The following TFB2M variants were observed in gnomAD, a reference collection of about 807,000 sequenced individuals.
The protein encoded by TFB2M is dimethyladenosine transferase 2, mitochondrial.
In TFB2M, 44 loss-of-function variants were observed where a neutral mutation model predicts 41.3. That is an observed-to-expected ratio of 1.07 (90% CI 0.84 to 1.37). The LOEUF (loss-of-function observed/expected upper bound fraction) is 1.37. Among genes scored for constraint, TFB2M ranks in the 40% most tolerant of loss-of-function variants. The probability of loss-of-function intolerance (pLI) is 0.00; values close to 1 mark genes in which losing one functional copy is unlikely to be tolerated. For missense variants in TFB2M, 496 were observed against 490.2 expected (o/e 1.01, Z -0.11); for synonymous variants, 188 against 176.8 (o/e 1.06, Z -0.50).
In TFB2M at chr1:246,566,181, C is replaced by T; in HGVS notation, c.-43G>A. 6.4e-7 allele frequency: 1 copy of T among 1,571,502 alleles called. No homozygotes were observed. The highest frequency in any genetic ancestry group is 8.7e-7 in the Non-Finnish European group (1 of 1,153,258). ...CCGCTCCAAGAATCACCTAGTGCAG[C>T]TACTACAGTGAACCCCACGCAGGGT... is the stretch of plus-strand genomic sequence containing the variant. On this transcript the variant is annotated 5_prime_UTR_variant, in exon 1 of 8. Coordinates refer to ENST00000366514, the MANE Select transcript of TFB2M (RefSeq NM_022366.3).
intron 2 of TFB2M, among the ~76,000 whole-genome samples, chr1:246,559,154 C>G (rs537756059): frequency 3.5e-4 from 52 of 147,902 alleles, no homozygotes; most frequent in African/African-American, 1.1e-3. Context: ...CTCACTATGT[C>G]CCCAGGCTGG....
At chr1:246,554,371 G>A (rs35452631) in intron 4 of TFB2M, among the ~76,000 whole-genome samples, 24,458 of 152,124 alleles carry the variant, frequency 0.16, 2,743 homozygotes, top group East Asian at 0.44. Flanking sequence ...AGCGGCAGGT[G>A]AACAGGCGAG....
Position 246,565,949 on chromosome 1 carries a change from C to G in TFB2M, c.190G>C (p.Ala64Pro). The G allele has an allele frequency of 6.2e-7, 1 of 1,614,216 alleles. No individual in the cohort carries two copies. Among genetic ancestry groups the G allele is most frequent in the Non-Finnish European group, 8.5e-7 (1 of 1,180,038 alleles). ...TTAAAGTCTAAGCTGGCCTTAGACG[C>G]CTTCCTTGGCGGATTCCTGAAATCC... ...EPDFRNPPRK[A>P]SKASLDFKRY... The change falls in exon 1 of 8, where the codon GCG becomes CCG. Residue 64 changes from alanine (A) to proline (P), a missense_variant. Transcript: ENST00000366514.
intron 1 of TFB2M, among the ~76,000 whole-genome samples, chr1:246,564,946 C>T (rs1422068801): frequency 6.6e-6 from 1 of 152,240 alleles, no homozygotes; most frequent in Non-Finnish European, 1.5e-5. Context: ...TCTGAAAGTG[C>T]TGGATTACAG....
At chr1:246,565,261 G>A (rs1047189760) in intron 1 of TFB2M, among the ~76,000 whole-genome samples, 2 of 152,232 alleles carry the variant, frequency 1.3e-5, no homozygotes, top group East Asian at 3.9e-4. Flanking sequence ...AGCTGGCAGA[G>A]GCTTGCAACT....
intron 7 of TFB2M, among the ~76,000 whole-genome samples, chr1:246,543,213 CTCAT>C (rs58742048): frequency 0.24 from 36,471 of 151,732 alleles, 4,786 homozygotes; most frequent in Middle Eastern, 0.43. Context: ...TAGTCAACAG[CTCAT>C]TCAGAGTTAA....
At chr1:246,557,102 C>T (rs564536589) in intron 3 of TFB2M, among the ~76,000 whole-genome samples, 8 of 152,062 alleles carry the variant, frequency 5.3e-5, no homozygotes, top group Admixed American at 3.9e-4. Flanking sequence ...GGTGAAACCC[C>T]GTCTCTACCA....
At chr1:246,546,966 T>TACACACACACACAC (rs1372687255) in intron 6 of TFB2M, among the ~76,000 whole-genome samples, 13 of 132,242 alleles carry the variant, frequency 9.8e-5, no homozygotes, top group Admixed American at 2.4e-4. Flanking sequence ...TATGTATATA[T>TACACACACACACAC]ACACACACAC....
intron 7 of TFB2M, among the ~76,000 whole-genome samples, chr1:246,544,265 C>A (rs1658938584): frequency 6.6e-6 from 1 of 152,004 alleles, no homozygotes; most frequent in African/African-American, 2.4e-5. Context: ...TAAAGCTAAG[C>A]CCATACTCTC....
chr1:246,563,604 TA>T (rs755009707), intron 2 of TFB2M, among the ~76,000 whole-genome samples: 614 of 137,910 alleles, frequency 4.5e-3, no homozygotes, highest in African/African-American at 8.3e-3. Flanking sequence ...AACTCCATCT[TA>T]AAAAAAAAAA....
At position 246,565,043 on chromosome 1, in the gene TFB2M, G is replaced by A. The variant is rs545351348; in HGVS notation, c.314-609C>T. ...AGAAGAAAAAAGTCACAGCAAAATA[G>A]ATTGCCTCTAGCCTATCACTTCCTC... On this transcript the variant is annotated intron_variant, in intron 1 of 7. Coordinates refer to ENST00000366514, the MANE Select transcript of TFB2M (RefSeq NM_022366.3). 1.4e-4 allele frequency among the ~76,000 whole-genome samples: 22 copies of A among 152,276 alleles called. 1 individual carries two copies. In the South Asian group the frequency reaches 4.1e-3, roughly 29 times the overall value.
At chr1:246,542,222 C>T (rs758910322) in intron 7 of TFB2M, among the ~76,000 whole-genome samples, 27 of 150,860 alleles carry the variant, frequency 1.8e-4, no homozygotes, top group Non-Finnish European at 3.2e-4. Flanking sequence ...ATAACGAACA[C>T]GCCTCATTAT....
chr1:246,563,791 C>G (rs1016512334), intron 2 of TFB2M, among the ~76,000 whole-genome samples: 1 of 152,002 alleles, frequency 6.6e-6, no homozygotes, highest in Non-Finnish European at 1.5e-5. Flanking sequence ...GTATATGGAA[C>G]AAAAAAGGAA....
rs1659178703 is a variant in TFB2M, at chr1:246,551,423, T to C, written c.706-121A>G. The C allele has an allele frequency of 1.9e-5, 14 of 736,312 alleles. 2 individuals are homozygous for C. In the South Asian group the frequency reaches 2.5e-4, roughly 13 times the overall value. 45.6% of individuals were successfully genotyped at this position (736,312 alleles called of 1,614,324 possible). A position where few individuals can be genotyped will look rare whatever the true frequency, so the allele number is the denominator to read the frequency against. ...GACATTTAAGAAAAGAAAACTAGAATTAGATGCAAAAAGCCGGGTGCAGCG... is the reference window on the plus strand; with the variant it reads ...GACATTTAAGAAAAGAAAACTAGAACTAGATGCAAAAAGCCGGGTGCAGCG... On this transcript the variant is annotated intron_variant, in intron 4 of 7. Transcript: ENST00000366514.
chr1:246,553,138 C>T (rs1311664053), intron 4 of TFB2M, among the ~76,000 whole-genome samples: 1 of 152,270 alleles, frequency 6.6e-6, no homozygotes, highest in East Asian at 1.9e-4. Context: ...AGGAGAATCA[C>T]TTAAACTGGG....
In TFB2M at chr1:246,551,273, G is replaced by A. The variant is rs1408743262; in HGVS notation, c.735C>T (p.Asp245=). 2.5e-6 allele frequency: 4 copies of A among 1,613,690 alleles called. 1 individual carries two copies. The South Asian group carries it at 3.3e-5, about 13-fold the overall frequency. The change falls in exon 5 of 8, where the codon GAC becomes GAT. Residue 245 remains aspartate, a synonymous_variant. Coordinates refer to ENST00000366514, the MANE Select transcript of TFB2M (RefSeq NM_022366.3). ...AGATAACACTTAATACATGATACAAGTCTGGATTTCCGGGATCTGCCATTA... is the reference window on the plus strand; with the variant it reads ...AGATAACACTTAATACATGATACAAATCTGGATTTCCGGGATCTGCCATTA... ...QKLMADPGNP[D]LYHVLSVIWQ... is the part of the protein sequence containing the mutation.
At chr1:246,561,814 A>G (rs1659463499) in intron 2 of TFB2M, among the ~76,000 whole-genome samples, 1 of 152,266 alleles carries the variant, frequency 6.6e-6, no homozygotes, top group Admixed American at 6.5e-5. Flanking sequence ...ACAGAATAAC[A>G]AACTTTAAAT....
chr1:246,547,758 T>A (rs1659062560), intron 6 of TFB2M, among the ~76,000 whole-genome samples: 1 of 142,576 alleles, frequency 7.0e-6, no homozygotes, highest in Non-Finnish European at 1.6e-5. Context: ...TTTGTGAAAC[T>A]TTAGCTACTT....
intron 2 of TFB2M, among the ~76,000 whole-genome samples, chr1:246,563,015 C>T (rs1170178374): frequency 2.0e-5 from 3 of 152,054 alleles, no homozygotes; most frequent in Non-Finnish European, 2.9e-5. Context: ...TTGACGGACC[C>T]GCTTCCTGGT....
Sources: allele counts gnomAD v4.1 joint callset (sites outside exome capture counted in the v4.1 genomes callset), GRCh38; gene constraint gnomAD v4.1.1; transcripts MANE v1.5; gene names NCBI Gene and HGNC (gene_info 2026-07-23, HGNC 2026-07-21).